WWOX: variants seen among roughly 807,000 people sequenced by gnomAD.
The protein encoded by WWOX is WW domain containing oxidoreductase.
In WWOX, 69 loss-of-function variants were observed where a neutral mutation model predicts 46.2. That is an observed-to-expected ratio of 1.49 (90% CI 1.23 to 1.82). WWOX has a LOEUF of 1.82. Among genes scored for constraint, WWOX ranks in the 40% most tolerant of loss-of-function variants. The pLI is 0.00. For synonymous variants in WWOX, 359 were observed against 202.6 expected (o/e 1.77, Z -6.56); for missense variants, 919 against 542.6 (o/e 1.69, Z -6.89).
At chr16:78,745,978 C>A (rs988083137) in intron 8 of WWOX, among the ~76,000 whole-genome samples, 1 of 152,150 alleles carries the variant, frequency 6.6e-6, no homozygotes, top group Non-Finnish European at 1.5e-5. Flanking sequence ...TGGAACCCTG[C>A]ACCACGTCTC....
At chr16:78,417,171 C>G (rs1567559845) in intron 6 of WWOX, among the ~76,000 whole-genome samples, 1 of 152,128 alleles carries the variant, frequency 6.6e-6, no homozygotes, top group African/African-American at 2.4e-5. Context: ...CTCCCAGGTT[C>G]AAGAGATCCT....
At chr16:78,777,367 C>T (rs1282887368) in intron 8 of WWOX, among the ~76,000 whole-genome samples, 2 of 152,128 alleles carry the variant, frequency 1.3e-5, no homozygotes, top group East Asian at 1.9e-4. Context: ...GCACTTGAAA[C>T]GTGACTAGTA....
In WWOX at chr16:79,211,685, C is replaced by T. The variant is rs201088847; in HGVS notation, c.1134C>T (p.Asn378=). ...LEGLGGMYFN[N]CCRCMPSPEA... ...GTCTGGGAGGGATGTACTTCAACAACTGCTGCCGCTGCATGCCCTCACCAG... is the reference window on the plus strand; with the variant it reads ...GTCTGGGAGGGATGTACTTCAACAATTGCTGCCGCTGCATGCCCTCACCAG... The change falls in exon 9 of 9, where the codon AAC becomes AAT. Residue 378 remains asparagine, a synonymous_variant. Transcript: ENST00000566780. The T allele has an allele frequency of 2.7e-3, 4,417 of 1,614,244 alleles. 13 individuals are homozygous for T. The highest frequency in any genetic ancestry group is 2.9e-3 in the Non-Finnish European group (3,378 of 1,180,044).
At chr16:78,881,249 G>T (rs1038793233) in intron 8 of WWOX, among the ~76,000 whole-genome samples, 1 of 151,954 alleles carries the variant, frequency 6.6e-6, no homozygotes. Context: ...AGCGATTCAC[G>T]TGCCTCAGCC....
At chr16:78,787,231 G>T (rs912794052) in intron 8 of WWOX, among the ~76,000 whole-genome samples, 3 of 152,020 alleles carry the variant, frequency 2.0e-5, no homozygotes, top group Non-Finnish European at 2.9e-5. Context: ...CTTTTAATAC[G>T]TTCACAATAT....
intron 8 of WWOX, among the ~76,000 whole-genome samples, chr16:78,443,286 C>T (rs2083486577): frequency 6.6e-6 from 1 of 151,770 alleles, no homozygotes; most frequent in Admixed American, 6.6e-5. Flanking sequence ...GCCTGGGTGA[C>T]AGAGTGAGAC....
chr16:78,421,603 C>A (rs2082933246), intron 6 of WWOX, among the ~76,000 whole-genome samples: 1 of 152,180 alleles, frequency 6.6e-6, no homozygotes, highest in East Asian at 1.9e-4. Context: ...ATTCAACTCA[C>A]AGATTCCTAC....
At chr16:78,850,996 C>G (rs1370861797) in intron 8 of WWOX, among the ~76,000 whole-genome samples, 2 of 152,142 alleles carry the variant, frequency 1.3e-5, no homozygotes, top group Admixed American at 6.5e-5. Context: ...TGTAGTGTTT[C>G]TTTTGCAGCT....
chr16:78,409,658 G>C (rs945404186), intron 6 of WWOX, among the ~76,000 whole-genome samples: 1 of 152,134 alleles, frequency 6.6e-6, no homozygotes, highest in African/African-American at 2.4e-5. Flanking sequence ...GCTATTATCT[G>C]ACAGCTCTGT....
chr16:78,400,200 T>G (rs1450655143), intron 6 of WWOX, among the ~76,000 whole-genome samples: 1 of 152,120 alleles, frequency 6.6e-6, no homozygotes, highest in South Asian at 2.1e-4. Context: ...TGAGCTGATA[T>G]TATGCAATAA....
intron 5 of WWOX, among the ~76,000 whole-genome samples, chr16:78,384,086 G>A (rs1270874249): frequency 6.6e-6 from 1 of 152,148 alleles, no homozygotes; most frequent in Non-Finnish European, 1.5e-5. Flanking sequence ...CGCCATCTGG[G>A]AATGTTCTTC....
chr16:78,353,281 A>G (rs1017782480), intron 5 of WWOX, among the ~76,000 whole-genome samples: 6 of 152,214 alleles, frequency 3.9e-5, no homozygotes, highest in African/African-American at 9.6e-5. Flanking sequence ...AGATGAGGCT[A>G]TTAGGATTAA....
chr16:78,888,277 ACT>A (rs1471674077), intron 8 of WWOX, among the ~76,000 whole-genome samples: 1 of 152,144 alleles, frequency 6.6e-6, no homozygotes, highest in Non-Finnish European at 1.5e-5. Context: ...TTGAGAACCC[ACT>A]TTGGGCTAGT....
At chr16:78,384,989 C>T (rs1597140645) in intron 5 of WWOX, among the ~76,000 whole-genome samples, 1 of 152,204 alleles carries the variant, frequency 6.6e-6, no homozygotes, top group East Asian at 1.9e-4. Context: ...CAAAAATAAG[C>T]TGGGTGTGTT....
intron 8 of WWOX, among the ~76,000 whole-genome samples, chr16:78,690,356 C>A (rs2047957384): frequency 6.6e-6 from 1 of 152,060 alleles, no homozygotes; most frequent in East Asian, 1.9e-4. Flanking sequence ...TTCAAGACTG[C>A]CCTGGGCAGC....
At chr16:78,974,317 A>G (rs1210658582) in intron 8 of WWOX, among the ~76,000 whole-genome samples, 2 of 152,238 alleles carry the variant, frequency 1.3e-5, no homozygotes, top group Non-Finnish European at 2.9e-5. Context: ...CAGTACAGAT[A>G]ATAAAGCAGG....
chr16:78,603,910 C>T (rs935015394), intron 8 of WWOX, among the ~76,000 whole-genome samples: 1 of 151,816 alleles, frequency 6.6e-6, no homozygotes, highest in African/African-American at 2.4e-5. Context: ...AGGAGGCTGA[C>T]GTGGGAGGAT....
At position 78,405,320 on chromosome 16, in the gene WWOX, TA is replaced by T. The variant is rs905840873; in HGVS notation, c.605+18381del. On this transcript the variant is annotated intron_variant, in intron 6 of 8. Transcript: ENST00000566780. ...ATTATTTTCTCTATTCCAACTGAAA[TA>T]AAAAAAAATTAATTAAATGTGGCTA... Among the ~76,000 whole-genome samples the T allele has an allele frequency of 7.9e-5, 12 of 151,786 alleles. 1 individual carries two copies. The South Asian group carries it at 8.3e-4, about 11-fold the overall frequency.
chr16:78,399,678 G>T lies in WWOX; in HGVS notation c.605+12730G>T, dbSNP rs543544765. Among the ~76,000 whole-genome samples, 10 of 152,258 alleles carry T rather than the reference G, an allele frequency of 6.6e-5. No homozygotes were observed. In the East Asian group the frequency reaches 1.9e-3, roughly 29 times the overall value. On this transcript the variant is annotated intron_variant, in intron 6 of 8. Coordinates refer to ENST00000566780, the MANE Select transcript of WWOX (RefSeq NM_016373.4). ...CGATTTATATAAGACTTGGAAAAAG[G>T]GTTTGAGTTTCTGTGGTTTACAATT...
Sources: allele counts gnomAD v4.1 joint callset (sites outside exome capture counted in the v4.1 genomes callset), GRCh38; gene constraint gnomAD v4.1.1; transcripts MANE v1.5; gene names NCBI Gene and HGNC (gene_info 2026-07-23, HGNC 2026-07-21).